The following COX5A variants were observed in gnomAD, a reference collection of about 807,000 sequenced individuals.
COX5A encodes cytochrome c oxidase subunit 5A, mitochondrial.
Under a neutral mutation model 16.1 loss-of-function variants are expected in COX5A, and 6 were observed. The observed-to-expected ratio is 0.37, with a 90% CI of 0.20 to 0.73. COX5A has a LOEUF of 0.73. Ranked by LOEUF, COX5A falls within the 30% of genes least tolerant of loss-of-function variation. The pLI, the probability that COX5A is intolerant of heterozygous loss-of-function variation, is 0.50. For synonymous variants in COX5A, 73 were observed against 73.8 expected (o/e 0.99, Z 0.06); for missense variants, 159 against 194.9 (o/e 0.82, Z 1.10).
At chr15:74,927,527 G>GTTT (rs1464296291) in intron 2 of COX5A, among the ~76,000 whole-genome samples, 1 of 152,004 alleles carries the variant, frequency 6.6e-6, no homozygotes, top group African/African-American at 2.4e-5. Flanking sequence ...CTTTAAAAGA[G>GTTT]ATTCAAGGCT....
In COX5A at chr15:74,926,853, T is replaced by G. The variant is rs542455445; in HGVS notation, c.252A>C (p.Pro84=). The part of the protein sequence containing the change: ...INTLVTYDMV[P]EPKIIDAALR... ...AAGCAGCATCAATGATTTTGGGCTC[T>G]GGAACCATATCATAGGTAACAAGTG... Residue 84 remains proline, a synonymous_variant, in exon 3 of 5, where the codon CCA becomes CCC. Transcript: ENST00000322347. 6.2e-7 allele frequency: 1 copy of G among 1,613,988 alleles called. No homozygotes were observed.
At chr15:74,933,419 ATATCTATCTATCTATCTATC>A (rs56686416) in intron 1 of COX5A, among the ~76,000 whole-genome samples, 13,624 of 143,424 alleles carry the variant, frequency 0.095, 1,096 homozygotes, top group South Asian at 0.37. Context: ...AAAAAAAAAA[ATATCTATCTATCTATCTATC>A]TATCTATCTA....
At chr15:74,926,915 C>G (rs1566978963) in intron 2 of COX5A, 28 bp from the exon 3 acceptor site, 1 of 1,603,198 alleles carries the variant, frequency 6.2e-7, no homozygotes, top group Admixed American at 1.7e-5. Context: ...AGGGCCATGT[C>G]AACCTCGAAG....
intron 2 of COX5A, among the ~76,000 whole-genome samples, chr15:74,928,236 T>G (rs974501323): frequency 2.6e-5 from 4 of 152,222 alleles, no homozygotes; most frequent in African/African-American, 7.2e-5. Flanking sequence ...CCTAATTCTA[T>G]TTTTTCATGT....
chr15:74,926,477 A>G (rs2065344200), intron 3 of COX5A, among the ~76,000 whole-genome samples: 2 of 150,222 alleles, frequency 1.3e-5, no homozygotes, highest in African/African-American at 4.9e-5. Flanking sequence ...CACACGGCCA[A>G]GATAAATTCT....
In COX5A at chr15:74,929,169, C is replaced by T. The variant is rs750854500; in HGVS notation, c.164G>A (p.Arg55His). Residue 55 changes from arginine (R) to histidine (H), a missense_variant, in exon 2 of 5, where the codon CGC (arginine) becomes CAC (histidine). By Grantham distance (29) the Arg-to-His change is conservative (BLOSUM62 0). Transcript: ENST00000322347. ...SQETDEEFDA[R>H]WVTYFNKPDI... ...TGGCTTGTTGAAGTATGTTACCCAG[C>T]GAGCATCAAACTCCTCATCTGTCTC... 20 of 1,614,076 alleles carry T rather than the reference C, an allele frequency of 1.2e-5. No homozygotes were observed. The highest frequency in any genetic ancestry group is 8.8e-5 in the South Asian group (8 of 91,078).
chr15:74,924,577 C>A (rs1466713856), intron 3 of COX5A, among the ~76,000 whole-genome samples: 2 of 152,082 alleles, frequency 1.3e-5, no homozygotes, highest in Non-Finnish European at 2.9e-5. Flanking sequence ...ATGTACTGTT[C>A]AAGGTAGGCT....
At position 74,920,370 on chromosome 15, in the gene COX5A, T is replaced by C; in HGVS notation, c.*82A>G. The stretch of plus-strand genomic sequence containing the variant: ...GAAAACTTGTTCAAATAAGGTAATA[T>C]GTTATCATCAGTATTTCCAGGTAAC... On this transcript the variant is annotated 3_prime_UTR_variant, in exon 5 of 5. Transcript: ENST00000322347. 1.4e-6 allele frequency: 1 copy of C among 693,918 alleles called. No individual in the cohort carries two copies. Among genetic ancestry groups the C allele is most frequent in the Non-Finnish European group, 2.6e-6 (1 of 382,000 alleles). The allele number at this position is 693,918 out of a possible 1,614,324, so 43.0% of individuals were successfully genotyped here. A position where few individuals can be genotyped will look rare whatever the true frequency, so the allele number is the denominator to read the frequency against.
At chr15:74,924,280 TG>T (rs1178502225) in intron 3 of COX5A, among the ~76,000 whole-genome samples, 2 of 152,154 alleles carry the variant, frequency 1.3e-5, no homozygotes, top group East Asian at 3.8e-4. Context: ...GGCTCATGCC[TG>T]TAATTCCAGC....
chr15:74,927,164 G>A (rs1410348984), intron 2 of COX5A, among the ~76,000 whole-genome samples: 4 of 152,016 alleles, frequency 2.6e-5, no homozygotes, highest in African/African-American at 9.7e-5. Context: ...GAGAACAAGA[G>A]GGTCATTTTC....
At chr15:74,923,839 T>C (rs927247602) in intron 3 of COX5A, 69 bp from the exon 4 acceptor site, 2 of 1,022,212 alleles carry the variant, frequency 2.0e-6, no homozygotes, top group African/African-American at 3.2e-5. Flanking sequence ...TGAAATGAAC[T>C]TAAAAATGCC....
chr15:74,929,599 C>T (rs185414010), intron 1 of COX5A, among the ~76,000 whole-genome samples: 7 of 152,194 alleles, frequency 4.6e-5, no homozygotes, highest in Admixed American at 2.0e-4. Context: ...GTATTAATTC[C>T]TAAGTAAAAA....
intron 1 of COX5A, among the ~76,000 whole-genome samples, chr15:74,929,586 A>G (rs1195328355): frequency 6.6e-6 from 1 of 152,208 alleles, no homozygotes. Flanking sequence ...ACACATAACC[A>G]GAGTATTAAT....
intron 1 of COX5A, among the ~76,000 whole-genome samples, chr15:74,932,984 C>G (rs1157023958): frequency 6.6e-6 from 1 of 151,962 alleles, no homozygotes; most frequent in Non-Finnish European, 1.5e-5. Flanking sequence ...GCATGAGCCA[C>G]GGTGCCCAGC....
In COX5A at chr15:74,929,007, T is replaced by C. The variant is rs537900222; in HGVS notation, c.217+109A>G. 20 of 783,866 alleles carry C rather than the reference T, an allele frequency of 2.6e-5. No individual in the cohort carries two copies. The African/African-American group carries it at 3.1e-4, about 12-fold the overall frequency. The allele number at this position is 783,866 out of a possible 1,614,324, so 48.6% of individuals were successfully genotyped here. A position where few individuals can be genotyped will look rare whatever the true frequency, so the allele number is the denominator to read the frequency against. On this transcript the variant is annotated intron_variant, in intron 2 of 4. Transcript: ENST00000322347. ...TTTCCTAACTGCAAGTTGCATGAAGTAACCAGTTTAAACAACGCATGTTTT... is the reference window on the plus strand; with the variant it reads ...TTTCCTAACTGCAAGTTGCATGAAGCAACCAGTTTAAACAACGCATGTTTT...
chr15:74,937,037 T>C (rs1305067532), intron 1 of COX5A, among the ~76,000 whole-genome samples: 1 of 152,112 alleles, frequency 6.6e-6, no homozygotes, highest in Admixed American at 6.6e-5. Flanking sequence ...AAAAATAAAA[T>C]ATAATATGCA....
intron 3 of COX5A, among the ~76,000 whole-genome samples, chr15:74,926,140 C>T (rs1346346614): frequency 6.6e-6 from 1 of 150,816 alleles, no homozygotes; most frequent in Non-Finnish European, 1.5e-5. Flanking sequence ...CCCGGGTTCA[C>T]GCCATTCTCC....
In COX5A at chr15:74,920,270, C is replaced by G; in HGVS notation, c.*182G>C. 1.6e-6 allele frequency: 1 copy of G among 625,652 alleles called. No homozygotes were observed. The highest frequency in any genetic ancestry group is 2.8e-6 in the Non-Finnish European group (1 of 356,996). 38.8% of individuals were successfully genotyped at this position (625,652 alleles called of 1,614,324 possible). A position where few individuals can be genotyped will look rare whatever the true frequency, so the allele number is the denominator to read the frequency against. ...TTAATGCAAACACATGAAACAAATA[C>G]CTAATTTCAGTTCAAACTCATTTCC... On this transcript the variant is annotated 3_prime_UTR_variant, in exon 5 of 5. Coordinates refer to ENST00000322347, the MANE Select transcript of COX5A (RefSeq NM_004255.4).
intron 1 of COX5A, among the ~76,000 whole-genome samples, chr15:74,933,141 C>A (rs563675570): frequency 7.2e-6 from 1 of 139,370 alleles, no homozygotes; most frequent in Non-Finnish European, 1.5e-5. Flanking sequence ...AGGCCAGGTG[C>A]GGTGGCTCAC....
Sources: allele counts gnomAD v4.1 joint callset (sites outside exome capture counted in the v4.1 genomes callset), GRCh38; gene constraint gnomAD v4.1.1; transcripts MANE v1.5; gene names NCBI Gene and HGNC (gene_info 2026-07-23, HGNC 2026-07-21).